RMP64: variants seen among roughly 807,000 people sequenced by gnomAD.
RMP64 encodes the protein nucleolus and neural progenitor protein.
At chr3:113,014,150 C>T in the RMP64 span, 23 of 648,538 alleles carry the variant, frequency 3.5e-5, no homozygotes, top group Non-Finnish European at 5.0e-5. Context: ...CTAAATATCA[C>T]AGAATACCTT....
the RMP64 span, among the ~76,000 whole-genome samples, chr3:113,018,712 C>A: frequency 6.6e-6 from 1 of 152,178 alleles, no homozygotes; most frequent in Non-Finnish European, 1.5e-5. Flanking sequence ...TAACAGCTTC[C>A]ATTTGAGTGT....
At chr3:113,013,145 CAA>C in the RMP64 span, 3 of 1,063,096 alleles carry the variant, frequency 2.8e-6, no homozygotes, top group Non-Finnish European at 4.1e-6. Flanking sequence ...GGCCAAGAAG[CAA>C]AAGTTTAAGA....
At chr3:113,016,343 C>T in the RMP64 span, among the ~76,000 whole-genome samples, 2 of 152,108 alleles carry the variant, frequency 1.3e-5, no homozygotes, top group Admixed American at 1.3e-4. Context: ...TAAAAGTTGA[C>T]AAGGTCTAAG....
At chr3:113,019,298 T>C in the RMP64 span, 1 of 549,024 alleles carries the variant, frequency 1.8e-6, no homozygotes, top group East Asian at 3.3e-5. Context: ...TGAGCCTTGG[T>C]CTTTCATCTC....
chr3:113,013,333 T>C, the RMP64 span: 1 of 1,614,030 alleles, frequency 6.2e-7, no homozygotes. Flanking sequence ...CCCAAAACCT[T>C]CATCAACACC....
chr3:113,009,643 C>T, the RMP64 span: 2 of 152,214 alleles, frequency 1.3e-5, no homozygotes, highest in Non-Finnish European at 2.9e-5. Context: ...CAAATCGCAG[C>T]TCTACCATTT....
At chr3:113,017,753 C>T in the RMP64 span, 2 of 643,824 alleles carry the variant, frequency 3.1e-6, no homozygotes, top group Non-Finnish European at 5.0e-6. Context: ...CGTAAGGATT[C>T]TAAGTATAAG....
At chr3:113,007,390 A>T in the RMP64 span, among the ~76,000 whole-genome samples, 1 of 152,202 alleles carries the variant, frequency 6.6e-6, no homozygotes, top group Non-Finnish European at 1.5e-5. Context: ...CATCCCCAGG[A>T]ATGAACTTTA....
chr3:113,019,575 C>A, the RMP64 span: 1 of 1,613,830 alleles, frequency 6.2e-7, no homozygotes, highest in Admixed American at 1.7e-5. Context: ...ACTGTCACTG[C>A]GCTGCGGTTC....
At chr3:113,009,848 A>G in the RMP64 span, among the ~76,000 whole-genome samples, 1 of 152,216 alleles carries the variant, frequency 6.6e-6, no homozygotes, top group East Asian at 1.9e-4. Flanking sequence ...CATAAATTGG[A>G]CAGAACATCA....
the RMP64 span, chr3:113,004,819 T>C: frequency 2.0e-5 from 3 of 152,388 alleles, no homozygotes; most frequent in African/African-American, 7.2e-5. Context: ...TGTTATCCTA[T>C]TATATTTCAT....
At chr3:113,008,267 C>G in the RMP64 span, 11 of 1,614,116 alleles carry the variant, frequency 6.8e-6, no homozygotes, top group East Asian at 8.9e-5. Flanking sequence ...GCTCCTGCAC[C>G]ATACAACTGC....
the RMP64 span, among the ~76,000 whole-genome samples, chr3:113,009,830 T>G: frequency 6.6e-6 from 1 of 152,172 alleles, no homozygotes; most frequent in Non-Finnish European, 1.5e-5. Flanking sequence ...TACTCCTCAC[T>G]CTGAATTCAT....
At chr3:113,016,903 A>G in the RMP64 span, among the ~76,000 whole-genome samples, 6 of 152,324 alleles carry the variant, frequency 3.9e-5, no homozygotes, top group South Asian at 1.0e-3. Flanking sequence ...GCTCTACTCT[A>G]TGGTATAGCC....
At chr3:113,008,315 G>A in the RMP64 span, 1 of 1,614,012 alleles carries the variant, frequency 6.2e-7, no homozygotes, top group Non-Finnish European at 8.5e-7. Flanking sequence ...GAAGGACTCA[G>A]CCTCTCGGAA....
At chr3:113,019,448 G>C in the RMP64 span, 5 of 1,021,598 alleles carry the variant, frequency 4.9e-6, no homozygotes, top group African/African-American at 6.4e-5. Flanking sequence ...CCCGGGCCGG[G>C]AAGTCCCGGT....
the RMP64 span, chr3:113,003,379 T>G: frequency 2.0e-5 from 3 of 152,170 alleles, no homozygotes; most frequent in African/African-American, 7.2e-5. Flanking sequence ...ACGATGACCC[T>G]GACAATAGTT....
At chr3:113,013,771 C>G in the RMP64 span, among the ~76,000 whole-genome samples, 1 of 152,184 alleles carries the variant, frequency 6.6e-6, no homozygotes, top group East Asian at 1.9e-4. Context: ...ACCAGTCACT[C>G]CCATAGATCA....
the RMP64 span, chr3:113,010,488 G>A: frequency 9.9e-6 from 6 of 608,406 alleles, no homozygotes; most frequent in Admixed American, 9.4e-5. Flanking sequence ...AAAATCCCTT[G>A]CCTCTATTCA....
Sources: gnomAD v4.1 joint callset for allele counts (sites outside exome capture counted in the v4.1 genomes callset) on GRCh38, gnomAD v4.1.1 for gene constraint, MANE v1.5 for transcripts, NCBI Gene and HGNC (gene_info 2026-07-23, HGNC 2026-07-21) for gene names.